Variants in TUBG2 observed in about 807,000 individuals in gnomAD.
TUBG2 encodes tubulin gamma-2 chain.
In TUBG2, 39 loss-of-function variants were observed where a neutral mutation model predicts 55.1. The ratio of observed to expected loss-of-function variants is 0.71; its 90% confidence interval spans 0.55 to 0.93. The LOEUF is 0.93. Among genes scored for constraint, TUBG2 ranks in the 40% least tolerant of loss-of-function variants. The pLI, the probability that TUBG2 is intolerant of heterozygous loss-of-function variation, is 0.00. For synonymous variants in TUBG2, 223 were observed against 241.0 expected, an observed-to-expected ratio of 0.93 and a Z score of 0.69; for missense variants, 358 against 599.1, an observed-to-expected ratio of 0.60 and a Z score of 4.20.
Position 42,659,408 on chromosome 17 carries a change from G to C in TUBG2, c.-96G>C. The stretch of plus-strand genomic sequence containing the variant: ...ATCCGCGTCAAGAGGCGAAGAGAGC[G>C]CGCGCTCCCCACGTCCTGCGCTCCT... On this transcript the variant is annotated 5_prime_UTR_variant, in exon 1 of 11. Coordinates refer to ENST00000251412, the MANE Select transcript of TUBG2 (RefSeq NM_016437.3). The C allele has an allele frequency of 7.6e-7, 1 of 1,309,970 alleles. No individual in the cohort carries two copies. The highest frequency in any genetic ancestry group is 1.0e-6 in the Non-Finnish European group (1 of 965,616). 81.1% of individuals were successfully genotyped at this position (1,309,970 alleles called of 1,614,324 possible).
intron 6 of TUBG2, among the ~76,000 whole-genome samples, chr17:42,663,713 AC>A (rs1254155593): frequency 6.6e-6 from 1 of 151,986 alleles, no homozygotes; most frequent in Non-Finnish European, 1.5e-5. Flanking sequence ...GGAGGCTGAG[AC>A]GGGCGGATCA....
In TUBG2 at chr17:42,659,489, C is replaced by G. The variant is rs777047459; in HGVS notation, c.-15C>G. The G allele has an allele frequency of 6.5e-7, 1 of 1,547,312 alleles. No homozygotes were observed. The highest frequency in any genetic ancestry group is 8.7e-7 in the Non-Finnish European group (1 of 1,145,900). On this transcript the variant is annotated 5_prime_UTR_variant, in exon 1 of 11. Coordinates refer to ENST00000251412, the MANE Select transcript of TUBG2 (RefSeq NM_016437.3). Reference sequence around the variant, plus strand: ...CTCGCCAGGCCGGGGCTGGCGCGCCCACGTCTGAAGAGCGATGCCCCGGGA... The same window carrying G: ...CTCGCCAGGCCGGGGCTGGCGCGCCGACGTCTGAAGAGCGATGCCCCGGGA...
At position 42,666,433 on chromosome 17, in the gene TUBG2, G is replaced by A. The variant is rs1554227; in HGVS notation, c.1107G>A (p.Ser369=). 865,641 of 1,605,206 alleles carry A rather than the reference G, an allele frequency of 0.54. 231,318 individuals are homozygous for A. Among genetic ancestry groups the A allele is most frequent in the South Asian group, 0.6 (54,299 of 90,140 alleles). Reference sequence around the variant, plus strand: ...CGAGGAAGTCTCCCTACCTGCCCTCGGCCCACCGGGTCAGCGGGCTCATGA... The same window carrying A: ...CGAGGAAGTCTCCCTACCTGCCCTCAGCCCACCGGGTCAGCGGGCTCATGA... ...ALSRKSPYLP[S]AHRVSGLMMA... is the part of the protein sequence containing the mutation. Residue 369 remains serine, a synonymous_variant, in exon 10 of 11, where the codon TCG becomes TCA. Transcript: ENST00000251412.
chr17:42,659,874 T>G lies in TUBG2; in HGVS notation c.90T>G (p.Gly30=). 6.2e-7 allele frequency: 1 copy of G among 1,613,898 alleles called. No homozygotes were observed. The highest frequency in any genetic ancestry group is 1.7e-5 in the Admixed American group (1 of 59,996). The change falls in exon 2 of 11, where the codon GGT becomes GGG. Residue 30 remains glycine (G), a synonymous_variant. Coordinates refer to ENST00000251412, the MANE Select transcript of TUBG2 (RefSeq NM_016437.3). ...GGAAACAGCTGTGCGCCGAGCATGG[T>G]ATCAGCCCCGAGGGCATCGTGGAGG... ...EFWKQLCAEH[G]ISPEGIVEEF...
Position 42,663,509 on chromosome 17 carries a change from CAAAG to C in TUBG2, c.606+12_606+15del, listed in dbSNP as rs748192804. The C allele has an allele frequency of 2.7e-4, 436 of 1,613,620 alleles. No individual in the cohort carries two copies. The highest frequency in any genetic ancestry group is 3.6e-4 in the Non-Finnish European group (424 of 1,179,688). The stretch of plus-strand genomic sequence containing the variant: ...CGCAGAACGCAGATTGTGTGGTGAG[CAAAG>C]AAAGAGTTGAGGGGCTGGGTGTGGT... On this transcript the variant is annotated splice_region_variant and intron_variant, in intron 6 of 10. Coordinates refer to ENST00000251412, the MANE Select transcript of TUBG2 (RefSeq NM_016437.3).
intron 3 of TUBG2, 53 bp downstream of exon 3, chr17:42,660,369 C>T: frequency 1.2e-6 from 2 of 1,609,844 alleles, no homozygotes; most frequent in South Asian, 1.1e-5. Context: ...AGAGGCAAGG[C>T]AGGCTCAAGC....
At position 42,659,377 on chromosome 17, in the gene TUBG2, C is replaced by A. The variant is rs1164114641; in HGVS notation, c.-127C>A. ...GAGGCCTGCGCTGCACACGCGCAGA[C>A]CGAGCATCCGCGTCAAGAGGCGAAG... is the stretch of plus-strand genomic sequence containing the variant. On this transcript the variant is annotated 5_prime_UTR_variant, in exon 1 of 11. Transcript: ENST00000251412. 46 of 1,015,726 alleles carry A rather than the reference C, an allele frequency of 4.5e-5. No homozygotes were observed. Among genetic ancestry groups the A allele is most frequent in the Non-Finnish European group, 6.4e-5 (46 of 715,568 alleles). 62.9% of individuals were successfully genotyped at this position (1,015,726 alleles called of 1,614,324 possible).
chr17:42,665,886 C>A, intron 8 of TUBG2, 59 bp downstream of exon 8: 2 of 1,609,480 alleles, frequency 1.2e-6, no homozygotes, highest in South Asian at 2.2e-5. Context: ...AGGCCCTGCC[C>A]CAGCCTTTCT....
chr17:42,660,825 T>A, intron 4 of TUBG2, 118 bp downstream of exon 4: 1 of 790,528 alleles, frequency 1.3e-6, no homozygotes, highest in Non-Finnish European at 2.2e-6. Context: ...AACCCGTTTA[T>A]GGAGCATCAG....
intron 5 of TUBG2, 138 bp downstream of exon 5, chr17:42,663,190 C>T: frequency 7.9e-7 from 1 of 1,259,126 alleles, no homozygotes; most frequent in Non-Finnish European, 1.1e-6. Flanking sequence ...ATGTTGGAAG[C>T]TATTTTGGGG....
At chr17:42,666,007 GC>G in intron 8 of TUBG2, 79 bp from the exon 9 acceptor site, 1 of 1,603,264 alleles carries the variant, frequency 6.2e-7, no homozygotes, top group Non-Finnish European at 8.5e-7. Flanking sequence ...CCCTCCCTCT[GC>G]CTTTGGCTTC....
At chr17:42,660,354 C>T (rs2052354736) in intron 3 of TUBG2, 38 bp downstream of exon 3, 3 of 1,612,720 alleles carry the variant, frequency 1.9e-6, no homozygotes, top group Non-Finnish European at 2.5e-6. Context: ...TTGATATTCC[C>T]ATCCAGAGGC....
At position 42,662,783 on chromosome 17, in the gene TUBG2, C is replaced by T. The variant is rs150923114; in HGVS notation, c.400-190C>T. Among the ~76,000 whole-genome samples the T allele has an allele frequency of 1.1e-4, 16 of 152,152 alleles. No individual in the cohort carries two copies. In the East Asian group the frequency reaches 2.9e-3, roughly 28 times the overall value. ...AAAGCCAAAACATCTTAAATTAAACCATCCTAAGTCAGGGACAGTCTGTAG... is the reference window on the plus strand; with the variant it reads ...AAAGCCAAAACATCTTAAATTAAACTATCCTAAGTCAGGGACAGTCTGTAG... On this transcript the variant is annotated intron_variant, in intron 4 of 10. Transcript: ENST00000251412.
chr17:42,662,082 A>C (rs997219838), intron 4 of TUBG2, among the ~76,000 whole-genome samples: 11 of 152,350 alleles, frequency 7.2e-5, no homozygotes, highest in African/African-American at 2.6e-4. Context: ...AAGCAGGTGG[A>C]TCATCCGAGC....
rs149052601 is a variant in TUBG2, at chr17:42,659,289, A to G, written c.-215A>G. ...TGACTCTGCGCCTGTGCGGAATTCC[A>G]GCTGCGACTGCTGAGGGAGAAAATG... On this transcript the variant is annotated 5_prime_UTR_variant, in exon 1 of 11. Coordinates refer to ENST00000251412, the MANE Select transcript of TUBG2 (RefSeq NM_016437.3). 4.8e-3 allele frequency: 2,506 copies of G among 523,608 alleles called. 20 individuals carry two copies. The highest frequency in any genetic ancestry group is 0.019 in the South Asian group (713 of 38,150). 32.4% of individuals were successfully genotyped at this position (523,608 alleles called of 1,614,324 possible).
chr17:42,665,427 T>C, intron 6 of TUBG2, 49 bp from the exon 7 acceptor site: 1 of 1,613,546 alleles, frequency 6.2e-7, no homozygotes, highest in Non-Finnish European at 8.5e-7. Context: ...ATCTTATTTC[T>C]ATGCCCATTT....
intron 4 of TUBG2, 121 bp from the exon 5 acceptor site, chr17:42,662,852 C>T: frequency 1.2e-6 from 1 of 852,038 alleles, no homozygotes; most frequent in Admixed American, 2.2e-5. Context: ...CAGCTGGCAT[C>T]TACTGTAGAA....
rs768413264 is a variant in TUBG2, at chr17:42,665,611, G to C, written c.693+49G>C. On this transcript the variant is annotated intron_variant, in intron 7 of 10. Coordinates refer to ENST00000251412, the MANE Select transcript of TUBG2 (RefSeq NM_016437.3). ...TTTGGACTGGAAGCCCTCCTTGCTG[G>C]AGGGTCATCTGGGGAAGGAAGGTCC... is the stretch of plus-strand genomic sequence containing the variant. 3.7e-6 allele frequency: 6 copies of C among 1,613,944 alleles called. No individual in the cohort carries two copies. The African/African-American group carries it at 8.0e-5, about 22-fold the overall frequency.
rs2052425622 is a variant in TUBG2 at position 42,663,032 on chromosome 17, C to G, written c.459C>G (p.Leu153=). The G allele has an allele frequency of 6.2e-7, 1 of 1,614,016 alleles. No individual in the cohort carries two copies. The highest frequency in any genetic ancestry group is 1.1e-5 in the South Asian group (1 of 91,092). Residue 153 remains leucine, a synonymous_variant, in exon 5 of 11, where the codon CTC becomes CTG. Coordinates refer to ENST00000251412, the MANE Select transcript of TUBG2 (RefSeq NM_016437.3). The part of the protein sequence containing the change: ...GGTGSGLGSY[L]LERLNDRYPK... The stretch of plus-strand genomic sequence containing the variant: ...CGGGTTCTGGCCTGGGCTCCTACCT[C>G]CTGGAGCGACTGAATGACAGGCAAG...
Sources: gnomAD v4.1 joint callset for allele counts (sites outside exome capture counted in the v4.1 genomes callset) on GRCh38, gnomAD v4.1.1 for gene constraint, MANE v1.5 for transcripts, NCBI Gene and HGNC (gene_info 2026-07-23, HGNC 2026-07-21) for gene names.